The following SUPT3H variants were observed in gnomAD, a reference collection of about 807,000 sequenced individuals.
The protein encoded by SUPT3H is SPT3 homolog, SAGA and STAGA complex component, also known as transcription initiation protein SPT3 homolog.
A neutral mutation model predicts 44.3 loss-of-function variants in SUPT3H; 44 were observed. The ratio of observed to expected loss-of-function variants is 0.99; its 90% confidence interval spans 0.78 to 1.28. SUPT3H has a LOEUF of 1.28. SUPT3H is among the 50% of genes most tolerant of loss of function. The pLI is 0.00. For synonymous variants in SUPT3H, 124 were observed against 125.6 expected, an observed-to-expected ratio of 0.99 and a Z score of 0.09; for missense variants, 380 against 387.1, an observed-to-expected ratio of 0.98 and a Z score of 0.15.
intron 2 of SUPT3H, among the ~76,000 whole-genome samples, chr6:45,357,198 G>A (rs977588221): frequency 3.3e-5 from 5 of 151,882 alleles, no homozygotes; most frequent in Non-Finnish European, 7.4e-5. Context: ...TAGTAGAGAC[G>A]GGGTTTCACC....
chr6:44,866,648 T>G (rs1404503331), intron 10 of SUPT3H, among the ~76,000 whole-genome samples: 3 of 152,218 alleles, frequency 2.0e-5, no homozygotes, highest in African/African-American at 7.2e-5. Context: ...CAGCAGCTGG[T>G]GTGACAACTC....
intron 2 of SUPT3H, among the ~76,000 whole-genome samples, chr6:45,318,915 A>G (rs1214009947): frequency 3.9e-5 from 6 of 152,112 alleles, no homozygotes; most frequent in Non-Finnish European, 7.4e-5. Flanking sequence ...TATAACTTTA[A>G]ATGTCAAAAC....
intron 2 of SUPT3H, among the ~76,000 whole-genome samples, chr6:45,139,450 A>T (rs1804820131): frequency 6.6e-6 from 1 of 152,216 alleles, no homozygotes; most frequent in Non-Finnish European, 1.5e-5. Flanking sequence ...TCACACCATG[A>T]GCTTTTGCTC....
In SUPT3H at chr6:44,920,339, A is replaced by T. The variant is rs140536812; in HGVS notation, c.912+12314T>A. ...GTAATCCCAGCACTTTGGGAGGCCA[A>T]GGCAGGAGGATTGCTTGAGGCCAGG... On this transcript the variant is annotated intron_variant, in intron 10 of 10. Coordinates refer to ENST00000371459, the MANE Select transcript of SUPT3H (RefSeq NM_003599.4). Among the ~76,000 whole-genome samples the T allele has an allele frequency of 6.5e-3, 990 of 152,240 alleles. 13 individuals are homozygous for T. The highest frequency in any genetic ancestry group is 0.023 in the African/African-American group (935 of 41,548).
chr6:45,303,973 T>C (rs910352027), intron 2 of SUPT3H, among the ~76,000 whole-genome samples: 3 of 149,924 alleles, frequency 2.0e-5, no homozygotes, highest in African/African-American at 7.3e-5. Flanking sequence ...CAAGACTCTG[T>C]CTCAAAAAAA....
intron 2 of SUPT3H, among the ~76,000 whole-genome samples, chr6:45,185,867 CACCCATCAGGATCAGCAA>C (rs1176345487): frequency 6.6e-6 from 1 of 152,208 alleles, no homozygotes; most frequent in East Asian, 1.9e-4. Context: ...TTCTCCACTC[CACCCATCAGGATCAGCAA>C]AGCCCAGAGG....
Position 45,177,473 on chromosome 6 carries a change from G to T in SUPT3H, c.102-71467C>A, listed in dbSNP as rs1181961975. Among the ~76,000 whole-genome samples, 35 of 152,268 alleles carry T rather than the reference G, an allele frequency of 2.3e-4. 1 individual carries two copies. The highest frequency in any genetic ancestry group is 1.0e-3 in the Admixed American group (16 of 15,286). On this transcript the variant is annotated intron_variant, in intron 2 of 10. Transcript: ENST00000371459. ...GTACTTGAAAGTGACGGGGAGAATG[G>T]AACCAAGTTGGAAAACACTCTGCAG...
intron 3 of SUPT3H, among the ~76,000 whole-genome samples, chr6:45,056,598 G>A (rs1157001502): frequency 6.6e-6 from 1 of 152,146 alleles, no homozygotes; most frequent in African/African-American, 2.4e-5. Context: ...AGTAACTCAG[G>A]AATGAAAAAC....
chr6:45,242,738 A>C (rs754356917), intron 2 of SUPT3H, among the ~76,000 whole-genome samples: 16 of 152,206 alleles, frequency 1.1e-4, no homozygotes, highest in Non-Finnish European at 2.4e-4. Context: ...AAGATAACAA[A>C]ATCTAGAAAG....
chr6:45,312,928 T>C (rs568697552), intron 2 of SUPT3H, among the ~76,000 whole-genome samples: 7 of 152,152 alleles, frequency 4.6e-5, no homozygotes, highest in Non-Finnish European at 1.0e-4. Flanking sequence ...ATTGAAATGC[T>C]ATCAAGCACT....
At chr6:44,985,448 T>C (rs12663666) in intron 6 of SUPT3H, among the ~76,000 whole-genome samples, 1 of 152,128 alleles carries the variant, frequency 6.6e-6, no homozygotes, top group Admixed American at 6.6e-5. Flanking sequence ...AAATACGTTG[T>C]ATCCTAAAAG....
At chr6:44,938,002 T>G (rs1771767268) in intron 9 of SUPT3H, among the ~76,000 whole-genome samples, 1 of 143,074 alleles carries the variant, frequency 7.0e-6, no homozygotes, top group African/African-American at 2.6e-5. Context: ...CTCCGCCTCC[T>G]GGGTTCAGGC....
chr6:45,177,287 G>A (rs1377121935), intron 2 of SUPT3H, among the ~76,000 whole-genome samples: 1 of 149,872 alleles, frequency 6.7e-6, no homozygotes, highest in Non-Finnish European at 1.5e-5. Context: ...AGCCTCAGGA[G>A]CCAATGCGAT....
intron 3 of SUPT3H, among the ~76,000 whole-genome samples, chr6:45,045,997 CATG>C (rs565111122): frequency 1.8e-3 from 280 of 152,224 alleles, no homozygotes; most frequent in African/African-American, 6.6e-3. Context: ...TAACTGAGGT[CATG>C]ATATTTGGTG....
chr6:45,323,009 T>G, intron 2 of SUPT3H: 2 of 1,229,946 alleles, frequency 1.6e-6, no homozygotes, highest in Non-Finnish European at 2.3e-6. Context: ...AAATCATCCT[T>G]AATAGAGATA....
intron 10 of SUPT3H, among the ~76,000 whole-genome samples, chr6:44,878,184 G>C (rs1032727657): frequency 4.6e-5 from 7 of 152,144 alleles, no homozygotes; most frequent in African/African-American, 1.7e-4. Flanking sequence ...CCTAAATAGT[G>C]ATAAAGTAAT....
At chr6:44,966,882 C>T (rs1776854639) in intron 6 of SUPT3H, among the ~76,000 whole-genome samples, 2 of 152,260 alleles carry the variant, frequency 1.3e-5, no homozygotes, top group South Asian at 4.1e-4. Context: ...ACTGAACATT[C>T]TCAAATTACA....
chr6:45,250,125 T>C (rs1772103254), intron 2 of SUPT3H, among the ~76,000 whole-genome samples: 1 of 152,138 alleles, frequency 6.6e-6, no homozygotes, highest in Non-Finnish European at 1.5e-5. Context: ...GCCTCGGTCT[T>C]AAGTATGAAC....
At chr6:44,973,940 G>A (rs971144529) in intron 6 of SUPT3H, among the ~76,000 whole-genome samples, 1 of 152,070 alleles carries the variant, frequency 6.6e-6, no homozygotes, top group Non-Finnish European at 1.5e-5. Context: ...TCCCTCCCAC[G>A]ACACGTGAGG....
Sources: gnomAD v4.1 joint callset for allele counts (sites outside exome capture counted in the v4.1 genomes callset) on GRCh38, gnomAD v4.1.1 for gene constraint, MANE v1.5 for transcripts, NCBI Gene and HGNC (gene_info 2026-07-23, HGNC 2026-07-21) for gene names.